Variants in TAGAP observed in about 807,000 individuals in gnomAD.
TAGAP encodes the protein T cell activation RhoGTPase activating protein, also known as T-cell activation Rho GTPase-activating protein.
TAGAP carries 16 observed loss-of-function variants against 36.0 expected under a neutral mutation model. The ratio of observed to expected loss-of-function variants is 0.44; its 90% CI spans 0.30 to 0.68. The LOEUF (loss-of-function observed/expected upper bound fraction) is 0.68. Ranked by LOEUF, TAGAP falls within the 30% of genes least tolerant of loss-of-function variation. The pLI, the probability that TAGAP is intolerant of heterozygous loss-of-function variation, is 0.09. For missense variants in TAGAP, 794 were observed against 921.5 expected, an observed-to-expected ratio of 0.86 and a Z score of 1.79; for synonymous variants, 372 against 377.4, an observed-to-expected ratio of 0.99 and a Z score of 0.17.
intron 4 of TAGAP, 38 bp from the exon 5 acceptor site, chr6:159,042,282 C>CTACA: frequency 6.3e-7 from 1 of 1,597,080 alleles, no homozygotes; most frequent in Non-Finnish European, 8.5e-7. Flanking sequence ...AAAAATTAGA[C>CTACA]TACAGTGTTA....
intron 4 of TAGAP, 22 bp from the exon 5 acceptor site, chr6:159,042,266 A>C (rs766205661): frequency 6.3e-7 from 1 of 1,599,788 alleles, no homozygotes; most frequent in Non-Finnish European, 8.5e-7. Flanking sequence ...AAAACAAGGC[A>C]ACGAGAAAAA....
rs1052727363 is a variant in TAGAP, at chr6:159,044,952, C to T, written c.-132G>A. The T allele has an allele frequency of 5.0e-6, 2 of 398,508 alleles. No individual in the cohort carries two copies. The highest frequency in any genetic ancestry group is 8.8e-6 in the Non-Finnish European group (2 of 226,060). 24.7% of individuals were successfully genotyped at this position (398,508 alleles called of 1,614,324 possible). A position where few individuals can be genotyped will look rare whatever the true frequency, so the allele number is the denominator to read the frequency against. On this transcript the variant is annotated 5_prime_UTR_variant, in exon 1 of 10. Transcript: ENST00000367066. ...AGAATGGGAGAAACAGCATAACTCT[C>T]TGCTCCTTCTAGTCCACTGGGAGAG...
Position 159,041,978 on chromosome 6 carries a change from G to T in TAGAP, c.315+100C>A. 7.6e-7 allele frequency: 1 copy of T among 1,319,850 alleles called. No individual in the cohort carries two copies. The highest frequency in any genetic ancestry group is 1.1e-6 in the Non-Finnish European group (1 of 949,972). 81.8% of individuals were successfully genotyped at this position (1,319,850 alleles called of 1,614,324 possible). On this transcript the variant is annotated intron_variant, in intron 5 of 9. Transcript: ENST00000367066. The surrounding 1 kb of genome is among the most constrained non-coding windows in gnomAD (Gnocchi z 4.1). ...GAAGAGTGGAAAATATGGAAGATCA[G>T]TCCCTACAAACTTAATAGGAGAATG... is the stretch of plus-strand genomic sequence containing the variant.
chr6:159,042,832 T>C (rs1779805613), intron 4 of TAGAP: 3 of 153,084 alleles, frequency 2.0e-5, no homozygotes, highest in African/African-American at 7.2e-5. Context: ...AGGTTGCTGC[T>C]TTAGGACAGA....
intron 8 of TAGAP, chr6:159,038,834 A>C (rs1278118438): frequency 8.2e-7 from 1 of 1,218,746 alleles, no homozygotes; most frequent in African/African-American, 1.5e-5. Flanking sequence ...TGTGGTGTAC[A>C]AAACACAAAA....
At chr6:159,038,502 C>T (rs1779632704) in intron 8 of TAGAP, among the ~76,000 whole-genome samples, 1 of 151,924 alleles carries the variant, frequency 6.6e-6, no homozygotes, top group African/African-American at 2.4e-5. Flanking sequence ...GATTCTCCCG[C>T]CTCAGCCTTC....
Position 159,037,965 on chromosome 6 carries a change from T to G in TAGAP, c.898+149A>C, listed in dbSNP as rs1035185725. The G allele has an allele frequency of 7.1e-5, 37 of 520,698 alleles. No homozygotes were observed. The highest frequency in any genetic ancestry group is 7.0e-4 in the African/African-American group (36 of 51,308). 32.3% of individuals were successfully genotyped at this position (520,698 alleles called of 1,614,324 possible). Reference sequence around the variant, plus strand: ...AAGCCCGGAGCAGGGTTTTCATGTTTAATGACTTCCTAATGGACTGGAGTC... The same window carrying G: ...AAGCCCGGAGCAGGGTTTTCATGTTGAATGACTTCCTAATGGACTGGAGTC... On this transcript the variant is annotated intron_variant, in intron 9 of 9. Transcript: ENST00000367066. This position sits in a 1 kb window ranked among gnomAD's most constrained non-coding sequence, Gnocchi z 5.1.
rs745764844 is a variant in TAGAP, at chr6:159,037,039, G to A, written c.984C>T (p.Pro328=). 1 of 1,613,494 alleles carries A rather than the reference G, an allele frequency of 6.2e-7. No individual in the cohort carries two copies. The highest frequency in any genetic ancestry group is 8.5e-7 in the Non-Finnish European group (1 of 1,180,032). Reference sequence around the variant, plus strand: ...CCATGGGCACCTGGGGCTGCCTGCTGGGAGAGCTGATGCCACTGCTGCTGT... The same window carrying A: ...CCATGGGCACCTGGGGCTGCCTGCTAGGAGAGCTGATGCCACTGCTGCTGT... ...ESNSSSGISS[P]SRQPQVPMAT... is the part of the protein sequence containing the mutation. The change falls in exon 10 of 10, where the codon CCC becomes CCT. Residue 328 remains proline (P), a synonymous_variant. Coordinates refer to ENST00000367066, the MANE Select transcript of TAGAP (RefSeq NM_054114.5). The surrounding 1 kb of genome is among the most constrained non-coding windows in gnomAD (Gnocchi z 5.1).
rs1379446205 is a variant in TAGAP, at chr6:159,036,068, T to C, written c.1955A>G (p.Lys652Arg). ...HVEDSRHRGS[K>R]EPLPGHGLSP... The stretch of plus-strand genomic sequence containing the variant: ...GAGTCCGTGGCCAGGGAGTGGCTCT[T>C]TGCTGCCCCTGTGTCTTGAGTCCTC... Residue 652 changes from lysine (K) to arginine (R), a missense_variant, in exon 10 of 10, where the codon AAA (lysine) becomes AGA (arginine). Physicochemically the swap from Lys to Arg is conservative, Grantham distance 26. Transcript: ENST00000367066. This position sits in a 1 kb window ranked among gnomAD's most constrained non-coding sequence, Gnocchi z 4.9. 2 of 1,612,908 alleles carry C rather than the reference T, an allele frequency of 1.2e-6. No homozygotes were observed. The highest frequency in any genetic ancestry group is 3.3e-5 in the Admixed American group (2 of 59,962).
chr6:159,037,111 C>T lies in TAGAP; in HGVS notation c.912G>A (p.Leu304=). 6.2e-7 allele frequency: 1 copy of T among 1,609,868 alleles called. No homozygotes were observed. Among genetic ancestry groups the T allele is most frequent in the Non-Finnish European group, 8.5e-7 (1 of 1,179,760 alleles). ...EHTDSSDVST[L]QNDSAYDSND... is the part of the protein sequence containing the mutation. ...TGCTGTCGTAGGCTGAGTCATTCTG[C>T]AGGGTCGACACATCTGGGGGAAGTC... The change falls in exon 10 of 10, where the codon CTG becomes CTA. Residue 304 remains leucine, a synonymous_variant. Coordinates refer to ENST00000367066, the MANE Select transcript of TAGAP (RefSeq NM_054114.5). This position sits in a 1 kb window ranked among gnomAD's most constrained non-coding sequence, Gnocchi z 5.1.
chr6:159,037,247 A>AGTGAT lies in TAGAP; in HGVS notation c.899-128_899-124dup, dbSNP rs1779578918. 1 of 862,392 alleles carries AGTGAT rather than the reference A, an allele frequency of 1.2e-6. No homozygotes were observed. The highest frequency in any genetic ancestry group is 3.1e-5 in the East Asian group (1 of 32,434). The allele number at this position is 862,392 out of a possible 1,614,324, so 53.4% of individuals were successfully genotyped here. A position where few individuals can be genotyped will look rare whatever the true frequency, so the allele number is the denominator to read the frequency against. On this transcript the variant is annotated intron_variant, in intron 9 of 9. Transcript: ENST00000367066. The surrounding 1 kb of genome is among the most constrained non-coding windows in gnomAD (Gnocchi z 5.1). The stretch of plus-strand genomic sequence containing the variant: ...CGGTTTGTTGCCCAGGCTGGAGTGC[A>AGTGAT]GTGATGTGATCTCGGCTCACTGCAA...
At position 159,036,468 on chromosome 6, in the gene TAGAP, C is replaced by CT. The variant is rs748396809; in HGVS notation, c.1554dup (p.Val519SerfsTer42). Reference sequence around the variant, plus strand: ...CCCGCGCTGAGGTTTTTGGTCAGCACTTTTTTGTGAGGGGCAAAGGTGAAA... The same window carrying CT: ...CCCGCGCTGAGGTTTTTGGTCAGCACTTTTTTTGTGAGGGGCAAAGGTGAAA... On this transcript the variant is annotated frameshift_variant, in exon 10 of 10. Transcript: ENST00000367066. LOFTEE classifies it low-confidence loss of function (END_TRUNC). This position sits in a 1 kb window ranked among gnomAD's most constrained non-coding sequence, Gnocchi z 4.9. 5 of 1,614,114 alleles carry CT rather than the reference C, an allele frequency of 3.1e-6. No individual in the cohort carries two copies. In the South Asian group the frequency reaches 5.5e-5, roughly 18 times the overall value.
intron 7 of TAGAP, among the ~76,000 whole-genome samples, chr6:159,040,405 A>C (rs967157559): frequency 2.6e-5 from 4 of 152,188 alleles, no homozygotes; most frequent in African/African-American, 9.7e-5. Context: ...GCCTGTGTTA[A>C]AGTTCTCAGG....
At chr6:159,042,420 C>G (rs926657) in intron 4 of TAGAP, 176 bp from the exon 5 acceptor site, 1 of 1,383,616 alleles carries the variant, frequency 7.2e-7, no homozygotes, top group East Asian at 2.6e-5. Flanking sequence ...TCTAGAAAAA[C>G]CAACCGATAA....
Position 159,037,028 on chromosome 6 carries a change from G to T in TAGAP, c.995C>A (p.Pro332His). 4 of 1,613,772 alleles carry T rather than the reference G, an allele frequency of 2.5e-6. No homozygotes were observed. Among genetic ancestry groups the T allele is most frequent in the Non-Finnish European group, 3.4e-6 (4 of 1,180,032 alleles). ...SSGISSPSRQ[P>H]QVPMATAAGL... ...AGCAGCTGTGGCCATGGGCACCTGG[G>T]GCTGCCTGCTGGGAGAGCTGATGCC... The change falls in exon 10 of 10, where the codon CCC (proline) becomes CAC (histidine). Residue 332 changes from proline (P) to histidine (H), a missense_variant. By Grantham distance (77) the Pro-to-His change is moderately conservative. Transcript: ENST00000367066. This position sits in a 1 kb window ranked among gnomAD's most constrained non-coding sequence, Gnocchi z 5.1.
rs1299684132 is a variant in TAGAP at position 159,035,939 on chromosome 6, C to T, written c.2084G>A (p.Arg695Lys). ...CCTCTGCACGGACTCGGAGACGGTC[C>T]TCAGCGGGAGGAGCTCAGGTCTCCC... ...GPGRPELLPLRTVSESVQRNK... is the reference protein window; with the variant it reads ...GPGRPELLPLKTVSESVQRNK... Residue 695 changes from arginine (R) to lysine (K), a missense_variant, in exon 10 of 10, where the codon AGG becomes AAG. Transcript: ENST00000367066. 1.2e-6 allele frequency: 2 copies of T among 1,614,064 alleles called. No homozygotes were observed. The highest frequency in any genetic ancestry group is 2.2e-5 in the East Asian group (1 of 44,888).
Position 159,042,180 on chromosome 6 carries a change from T to A in TAGAP, c.213A>T (p.Ser71=), listed in dbSNP as rs754125251. The change falls in exon 5 of 10, where the codon TCA becomes TCT. Residue 71 remains serine, a synonymous_variant. Transcript: ENST00000367066. The part of the protein sequence containing the change: ...PFLMRRLSPA[S]DFSGALETDL... Reference sequence around the variant, plus strand: ...CTGTCTCCAAAGCCCCAGAAAAATCTGATGCAGGGGAGAGCCTTCTCATGA... The same window carrying A: ...CTGTCTCCAAAGCCCCAGAAAAATCAGATGCAGGGGAGAGCCTTCTCATGA... The A allele has an allele frequency of 1.2e-6, 2 of 1,614,202 alleles. No individual in the cohort carries two copies. Among genetic ancestry groups the A allele is most frequent in the Non-Finnish European group, 1.7e-6 (2 of 1,180,030 alleles).
chr6:159,039,053 ACTTGG>A, intron 8 of TAGAP, 56 bp downstream of exon 8: 1 of 1,606,794 alleles, frequency 6.2e-7, no homozygotes, highest in Non-Finnish European at 8.5e-7. Flanking sequence ...TATTGCCTGG[ACTTGG>A]CAAACAGATG....
At chr6:159,039,359 A>G (rs776330883) in intron 7 of TAGAP, 50 bp from the exon 8 acceptor site, 10 of 1,573,328 alleles carry the variant, frequency 6.4e-6, no homozygotes, top group Non-Finnish European at 7.8e-6. Flanking sequence ...AATGGTCTTC[A>G]GTGTAGCAAG....
Sources: allele counts gnomAD v4.1 joint callset (sites outside exome capture counted in the v4.1 genomes callset), GRCh38; gene constraint gnomAD v4.1.1; non-coding constraint Gnocchi (gnomAD v3.1); transcripts MANE v1.5; gene names NCBI Gene and HGNC (gene_info 2026-07-23, HGNC 2026-07-21).